The following MYO3B variants were observed in gnomAD, a reference collection of about 807,000 sequenced individuals.
MYO3B encodes the protein myosin-IIIb.
Under a neutral mutation model 174.6 loss-of-function variants are expected in MYO3B, and 156 were observed. The observed-to-expected ratio is 0.89, with a 90% confidence interval of 0.78 to 1.02. MYO3B has a LOEUF of 1.02. MYO3B is among the 50% of genes least tolerant of loss of function. MYO3B has a pLI of 0.00. For synonymous variants in MYO3B, 563 were observed against 569.1 expected, an observed-to-expected ratio of 0.99 and a Z score of 0.15; for missense variants, 1,632 against 1,639.4, an observed-to-expected ratio of 1.00 and a Z score of 0.08.
intron 8 of MYO3B, among the ~76,000 whole-genome samples, chr2:170,366,242 A>G (rs377723502): frequency 3.5e-4 from 54 of 152,126 alleles, no homozygotes; most frequent in African/African-American, 1.2e-3. Context: ...CAGACATTCA[A>G]CCCACTTCAG....
At chr2:170,231,516 T>C (rs2093016165) in intron 6 of MYO3B, among the ~76,000 whole-genome samples, 1 of 152,224 alleles carries the variant, frequency 6.6e-6, no homozygotes, top group Non-Finnish European at 1.5e-5. Context: ...GTTTTTCTTC[T>C]TCCTAAAATA....
At chr2:170,319,886 G>A (rs1027629136) in intron 7 of MYO3B, among the ~76,000 whole-genome samples, 1 of 152,102 alleles carries the variant, frequency 6.6e-6, no homozygotes, top group Non-Finnish European at 1.5e-5. Context: ...TCAAAGTGCT[G>A]AAAAAGTTGT....
Position 170,638,111 on chromosome 2 carries a change from A to T in MYO3B, c.3734-13517A>T, listed in dbSNP as rs3047158. ...CTCTCCCTCTCTCTCTCTCTCTCTC[A>T]CACACACACACACCTGCCAGACATT... On this transcript the variant is annotated intron_variant, in intron 32 of 34. Transcript: ENST00000408978. Among the ~76,000 whole-genome samples the T allele has an allele frequency of 1.7e-3, 243 of 139,108 alleles. 2 individuals are homozygous for T. Among genetic ancestry groups the T allele is most frequent in the African/African-American group, 6.1e-3 (218 of 35,864 alleles). 91.3% of individuals were successfully genotyped at this position (139,108 alleles called of 152,430 possible). A position where few individuals can be genotyped will look rare whatever the true frequency, so the allele number is the denominator to read the frequency against.
chr2:170,596,180 T>C (rs1462615640), intron 32 of MYO3B, among the ~76,000 whole-genome samples: 3 of 152,212 alleles, frequency 2.0e-5, no homozygotes, highest in Non-Finnish European at 4.4e-5. Context: ...TAAGTTAATT[T>C]CTGGCCAAAA....
At position 170,220,502 on chromosome 2, in the gene MYO3B, G is replaced by A. The variant is rs140106766; in HGVS notation, c.603+3107G>A. On this transcript the variant is annotated intron_variant, in intron 6 of 34. Coordinates refer to ENST00000408978, the MANE Select transcript of MYO3B (RefSeq NM_138995.5). ...AAATTAGCCTGGCAGGATGGCAGGGGCCTGTAGTCCCAGCTACTCGGGAGG... is the reference window on the plus strand; with the variant it reads ...AAATTAGCCTGGCAGGATGGCAGGGACCTGTAGTCCCAGCTACTCGGGAGG... Among the ~76,000 whole-genome samples the A allele has an allele frequency of 6.8e-3, 1,035 of 151,342 alleles. 11 individuals are homozygous for A. Among genetic ancestry groups the A allele is most frequent in the African/African-American group, 0.024 (978 of 41,212 alleles).
chr2:170,209,010 T>C (rs1403138584), intron 3 of MYO3B, among the ~76,000 whole-genome samples: 1 of 152,144 alleles, frequency 6.6e-6, no homozygotes, highest in Non-Finnish European at 1.5e-5. Context: ...TAAAGTAACA[T>C]TTTTTACTTA....
intron 16 of MYO3B, among the ~76,000 whole-genome samples, chr2:170,395,297 T>TA (rs1438116851): frequency 6.6e-6 from 1 of 152,248 alleles, no homozygotes; most frequent in Non-Finnish European, 1.5e-5. Context: ...TATTTTTGTT[T>TA]AAAATTATAT....
chr2:170,604,213 A>G (rs1361799502), intron 32 of MYO3B, among the ~76,000 whole-genome samples: 4 of 152,194 alleles, frequency 2.6e-5, no homozygotes, highest in Non-Finnish European at 4.4e-5. Context: ...TGAAATATGA[A>G]AAAAGCAAAG....
intron 32 of MYO3B, among the ~76,000 whole-genome samples, chr2:170,566,038 T>C (rs1692055850): frequency 1.3e-5 from 2 of 152,210 alleles, no homozygotes; most frequent in Admixed American, 1.3e-4. Context: ...GTCTGGACTA[T>C]AATAATCAGT....
At chr2:170,246,500 C>A (rs1230412967) in intron 7 of MYO3B, among the ~76,000 whole-genome samples, 1 of 148,328 alleles carries the variant, frequency 6.7e-6, no homozygotes, top group African/African-American at 2.5e-5. Flanking sequence ...TGACTGGTAT[C>A]CTTATAAGAA....
chr2:170,322,147 T>A (rs908968291), intron 7 of MYO3B, among the ~76,000 whole-genome samples: 1 of 147,984 alleles, frequency 6.8e-6, no homozygotes, highest in Admixed American at 6.7e-5. Context: ...AGCAGCACTA[T>A]AATATAGCAC....
At chr2:170,530,843 C>T (rs573329836) in intron 30 of MYO3B, among the ~76,000 whole-genome samples, 7 of 152,074 alleles carry the variant, frequency 4.6e-5, no homozygotes, top group Non-Finnish European at 1.0e-4. Context: ...GTGGAAGGGG[C>T]ATTGTTGCCA....
At chr2:170,202,628 C>A (rs1241356252) in intron 3 of MYO3B, among the ~76,000 whole-genome samples, 2 of 152,150 alleles carry the variant, frequency 1.3e-5, no homozygotes, top group African/African-American at 4.8e-5. Context: ...CTGATGTTAT[C>A]CATTGGGTCA....
intron 6 of MYO3B, among the ~76,000 whole-genome samples, chr2:170,226,740 A>G (rs2092956520): frequency 6.6e-6 from 1 of 152,162 alleles, no homozygotes; most frequent in Non-Finnish European, 1.5e-5. Context: ...TGAGGCCCAG[A>G]GCAGAGGCCT....
At chr2:170,394,720 G>A (rs1276641730) in intron 16 of MYO3B, among the ~76,000 whole-genome samples, 2 of 152,168 alleles carry the variant, frequency 1.3e-5, no homozygotes, top group Non-Finnish European at 2.9e-5. Flanking sequence ...GAAATGAAAG[G>A]AAGAAGCAGG....
At position 170,255,181 on chromosome 2, in the gene MYO3B, C is replaced by A. The variant is rs569445050; in HGVS notation, c.749+19045C>A. Among the ~76,000 whole-genome samples the A allele has an allele frequency of 7.9e-5, 12 of 152,318 alleles. No homozygotes were observed. The South Asian group carries it at 2.3e-3, about 29-fold the overall frequency. On this transcript the variant is annotated intron_variant, in intron 7 of 34. Transcript: ENST00000408978. ...AGAGAATGAGTGGGTCTCCTTGTGA[C>A]CTAACCTTTGGCTTGAGCCGCTGCT... is the stretch of plus-strand genomic sequence containing the variant.
intron 32 of MYO3B, among the ~76,000 whole-genome samples, chr2:170,636,989 T>TGTAG (rs397757315): frequency 6.6e-6 from 1 of 150,882 alleles, no homozygotes; most frequent in African/African-American, 2.4e-5. Flanking sequence ...TGTGTGTGTG[T>TGTAG]AGGCAATAAT....
chr2:170,195,003 C>A (rs2092582765), intron 1 of MYO3B, among the ~76,000 whole-genome samples: 1 of 152,022 alleles, frequency 6.6e-6, no homozygotes, highest in African/African-American at 2.4e-5. Context: ...CCGCGTTCTT[C>A]TGCTTGCTTT....
chr2:170,240,681 A>G (rs2093121274), intron 7 of MYO3B, among the ~76,000 whole-genome samples: 1 of 152,222 alleles, frequency 6.6e-6, no homozygotes, highest in Admixed American at 6.5e-5. Flanking sequence ...AGAAGCTTAC[A>G]GTCCAATATC....
Sources: allele counts gnomAD v4.1 joint callset (sites outside exome capture counted in the v4.1 genomes callset), GRCh38; gene constraint gnomAD v4.1.1; transcripts MANE v1.5; gene names NCBI Gene and HGNC (gene_info 2026-07-23, HGNC 2026-07-21).